PSMA1: variants seen among roughly 807,000 people sequenced by gnomAD.
The protein encoded by PSMA1 is proteasome subunit alpha type-1.
PSMA1 carries 3 observed loss-of-function variants against 38.4 expected under a neutral mutation model. The observed-to-expected ratio is 0.08, with a 90% CI of 0.04 to 0.20. PSMA1 has a LOEUF of 0.20. Ranked by LOEUF, PSMA1 falls within the 10% of genes least tolerant of loss-of-function variation. PSMA1 has a pLI of 1.00. For synonymous variants in PSMA1, 101 were observed against 107.1 expected (o/e 0.94, Z 0.35); for missense variants, 227 against 325.3 (o/e 0.70, Z 2.32).
At chr11:14,606,809 A>C (rs956337797) in intron 2 of PSMA1, among the ~76,000 whole-genome samples, 1 of 152,238 alleles carries the variant, frequency 6.6e-6, no homozygotes, top group African/African-American at 2.4e-5. Flanking sequence ...ATTCTGTATC[A>C]ATTATAAGGC....
chr11:14,635,537 A>T (rs570914831), intron 1 of PSMA1, among the ~76,000 whole-genome samples: 4 of 152,224 alleles, frequency 2.6e-5, no homozygotes, highest in Non-Finnish European at 5.9e-5. Context: ...ATCTGACTAG[A>T]CATTAATAAA....
chr11:14,623,501 G>A (rs190507170), intron 1 of PSMA1, among the ~76,000 whole-genome samples: 134 of 152,304 alleles, frequency 8.8e-4, no homozygotes, highest in African/African-American at 2.8e-3. Context: ...CTGGCTGTCT[G>A]GTCGGGGCCT....
At chr11:14,605,869 A>G (rs963126352) in intron 2 of PSMA1, among the ~76,000 whole-genome samples, 2 of 152,040 alleles carry the variant, frequency 1.3e-5, no homozygotes, top group African/African-American at 4.8e-5. Flanking sequence ...TGCTATGCAG[A>G]ATCTCTTTAG....
In PSMA1 at chr11:14,618,392, G is replaced by T. The variant is rs527607219; in HGVS notation, c.-165-7241C>A. The stretch of plus-strand genomic sequence containing the variant: ...GTTTATTGCCTCTTCTAGAACTGCT[G>T]AAGTTTACTATCAATGGTCACTTCA... On this transcript the variant is annotated intron_variant, in intron 1 of 10. Transcript: ENST00000418988. 2.6e-5 allele frequency among the ~76,000 whole-genome samples: 4 copies of T among 152,308 alleles called. No homozygotes were observed. In the South Asian group the frequency reaches 6.2e-4, roughly 24 times the overall value.
At chr11:14,595,422 C>T (rs975362353) in intron 2 of PSMA1, among the ~76,000 whole-genome samples, 12 of 152,180 alleles carry the variant, frequency 7.9e-5, no homozygotes, top group Non-Finnish European at 1.8e-4. Flanking sequence ...CTGCTGTTTC[C>T]TGACTTTTTA....
chr11:14,510,040 T>C (rs1851318026), intron 8 of PSMA1, among the ~76,000 whole-genome samples: 1 of 152,200 alleles, frequency 6.6e-6, no homozygotes, highest in South Asian at 2.1e-4. Flanking sequence ...GTCGTTAAAA[T>C]GCCAAACAGA....
At chr11:14,642,272 CTGG>C (rs1283263488) in intron 1 of PSMA1, among the ~76,000 whole-genome samples, 14 of 152,152 alleles carry the variant, frequency 9.2e-5, no homozygotes, top group African/African-American at 3.4e-4. Flanking sequence ...TAATCTTCAA[CTGG>C]TGGTAATGAG....
Position 14,505,063 on chromosome 11 carries a change from G to A in PSMA1, c.*129C>T, listed in dbSNP as rs1329568231. Reference sequence around the variant, plus strand: ...GGTTGCTTGGAAAAAACTCACATCTGGACTGATTCCTAAAACATAGCATTC... The same window carrying A: ...GGTTGCTTGGAAAAAACTCACATCTAGACTGATTCCTAAAACATAGCATTC... On this transcript the variant is annotated 3_prime_UTR_variant, in exon 10 of 10. Coordinates refer to ENST00000396394, the MANE Select transcript of PSMA1 (RefSeq NM_002786.4). 7 of 856,138 alleles carry A rather than the reference G, an allele frequency of 8.2e-6. No individual in the cohort carries two copies. The highest frequency in any genetic ancestry group is 9.9e-6 in the Non-Finnish European group (5 of 504,414). The allele number at this position is 856,138 out of a possible 1,614,324, so 53.0% of individuals were successfully genotyped here.
At chr11:14,628,499 T>C (rs1433367061) in intron 1 of PSMA1, among the ~76,000 whole-genome samples, 3 of 151,054 alleles carry the variant, frequency 2.0e-5, no homozygotes, top group Non-Finnish European at 4.4e-5. Flanking sequence ...CATGAACTCA[T>C]CCTTTTTTAT....
In PSMA1 at chr11:14,505,153, T is replaced by C; in HGVS notation, c.*39A>G. On this transcript the variant is annotated 3_prime_UTR_variant, in exon 10 of 10. Transcript: ENST00000396394. ...TCATCAGTATGTGGTGCCTGTATTC[T>C]TACATATTTGATAATACATATATAG... The C allele has an allele frequency of 6.5e-7, 1 of 1,547,388 alleles. No homozygotes were observed. Among genetic ancestry groups the C allele is most frequent in the Non-Finnish European group, 8.9e-7 (1 of 1,119,736 alleles).
At chr11:14,561,964 G>A (rs1309949438) in intron 2 of PSMA1, among the ~76,000 whole-genome samples, 2 of 152,154 alleles carry the variant, frequency 1.3e-5, no homozygotes, top group East Asian at 1.9e-4. Flanking sequence ...TTAAACAGAA[G>A]GGATTTAATT....
rs1851501373 is a variant in PSMA1 at position 14,520,034 on chromosome 11, G to A, written c.3+263C>T. ...ATCTACTCCACTGAAGGAACCTGAG[G>A]GGCGAACTCATCTAGCTGACCGAGG... On this transcript the variant is annotated intron_variant, in intron 1 of 9. Transcript: ENST00000396394. The A allele has an allele frequency of 5.1e-6, 3 of 587,706 alleles. No homozygotes were observed. The Admixed American group carries it at 9.0e-5, about 18-fold the overall frequency. The allele number at this position is 587,706 out of a possible 1,614,324, so 36.4% of individuals were successfully genotyped here.
chr11:14,573,836 G>A (rs1255451862), intron 2 of PSMA1, among the ~76,000 whole-genome samples: 1 of 152,142 alleles, frequency 6.6e-6, no homozygotes. Flanking sequence ...TTGGGAACTG[G>A]AGCAAAGGTC....
intron 7 of PSMA1, among the ~76,000 whole-genome samples, chr11:14,511,430 G>A (rs992066364): frequency 2.0e-5 from 3 of 151,744 alleles, no homozygotes; most frequent in Admixed American, 6.6e-5. Flanking sequence ...AACTACAAAC[G>A]GAACCTGGCA....
At chr11:14,525,720 T>C (rs1851578585) in intron 2 of PSMA1, among the ~76,000 whole-genome samples, 1 of 152,176 alleles carries the variant, frequency 6.6e-6, no homozygotes, top group Admixed American at 6.5e-5. Flanking sequence ...AGATGCTTTT[T>C]TCACTATTCC....
intron 1 of PSMA1, among the ~76,000 whole-genome samples, chr11:14,612,660 A>T (rs1263185017): frequency 6.6e-6 from 1 of 152,194 alleles, no homozygotes; most frequent in Admixed American, 6.5e-5. Context: ...AGATATAAAT[A>T]AAATATTTTT....
At chr11:14,528,157 TA>T (rs1255472096) in intron 2 of PSMA1, among the ~76,000 whole-genome samples, 1 of 151,724 alleles carries the variant, frequency 6.6e-6, no homozygotes, top group African/African-American at 2.4e-5. Context: ...GTGCTATTTT[TA>T]CCTAAATCAA....
At chr11:14,570,384 A>G (rs1423442896) in intron 2 of PSMA1, among the ~76,000 whole-genome samples, 1 of 152,264 alleles carries the variant, frequency 6.6e-6, no homozygotes, top group African/African-American at 2.4e-5. Context: ...TTGAGAGAAG[A>G]AAGCTTCAGA....
chr11:14,522,144 A>C (rs915549563), upstream of PSMA1, among the ~76,000 whole-genome samples: 1 of 152,238 alleles, frequency 6.6e-6, no homozygotes, highest in African/African-American at 2.4e-5. Flanking sequence ...TTTAAAAATA[A>C]GATGATACTG....
Sources: allele counts gnomAD v4.1 joint callset (sites outside exome capture counted in the v4.1 genomes callset), GRCh38; gene constraint gnomAD v4.1.1; transcripts MANE v1.5; gene names NCBI Gene and HGNC (gene_info 2026-07-23, HGNC 2026-07-21).